TTLL1: variants seen among roughly 807,000 people sequenced by gnomAD.
TTLL1 encodes TTL family tubulin polyglutamylase complex subunit L1.
Under a neutral mutation model 47.8 loss-of-function variants are expected in TTLL1, and 33 were observed. The observed-to-expected ratio is 0.69, with a 90% confidence interval of 0.52 to 0.92. TTLL1 has a LOEUF of 0.92. Among genes scored for constraint, TTLL1 ranks in the 40% least tolerant of loss-of-function variants. TTLL1 has a pLI of 0.00. For missense variants in TTLL1, 488 were observed against 547.5 expected (o/e 0.89, Z 1.08); for synonymous variants, 225 against 214.1 (o/e 1.05, Z -0.45).
intron 5 of TTLL1, among the ~76,000 whole-genome samples, chr22:43,067,304 AGTG>A (rs2146978761): frequency 6.6e-6 from 1 of 152,306 alleles, no homozygotes; most frequent in Non-Finnish European, 1.5e-5. Flanking sequence ...ACCCCATGGC[AGTG>A]GTGCTGCTGG....
At chr22:43,040,358 G>C (rs1164286800) in intron 10 of TTLL1, 1 of 166,024 alleles carries the variant, frequency 6.0e-6, no homozygotes, top group Non-Finnish European at 1.3e-5. Flanking sequence ...AGTGGTACAT[G>C]AGCACTGGTC....
intron 9 of TTLL1, among the ~76,000 whole-genome samples, chr22:43,048,316 C>CAAAAAAAAAGAAAGA (rs1926312153): frequency 7.2e-6 from 1 of 138,502 alleles, no homozygotes; most frequent in South Asian, 2.3e-4. Context: ...GACTCCGTCT[C>CAAAAAAAAAGAAAGA]AAAAAAAAAG....
At position 43,075,392 on chromosome 22, in the gene TTLL1, C is replaced by A. The variant is rs558033150; in HGVS notation, c.113+82G>T. The A allele has an allele frequency of 1.4e-4, 165 of 1,167,336 alleles. 2 individuals are homozygous for A. In the South Asian group the frequency reaches 2.1e-3, roughly 15 times the overall value. The allele number at this position is 1,167,336 out of a possible 1,614,324, so 72.3% of individuals were successfully genotyped here. A position where few individuals can be genotyped will look rare whatever the true frequency, so the allele number is the denominator to read the frequency against. On this transcript the variant is annotated intron_variant, in intron 3 of 10. Transcript: ENST00000266254. ...ATGACAGGAGACAGTGGCTCTGAGG[C>A]CACTCTCTGGGAGGCACTGGAATTA... is the stretch of plus-strand genomic sequence containing the variant.
rs189479491 is a variant in TTLL1, at chr22:43,047,430, G to A, written c.979-857C>T. On this transcript the variant is annotated intron_variant, in intron 9 of 10. Transcript: ENST00000266254. Reference sequence around the variant, plus strand: ...TCCACACATTAAAATGAAGACATTCGCTTTGTTCTGTGGAGAGTCCCACAG... The same window carrying A: ...TCCACACATTAAAATGAAGACATTCACTTTGTTCTGTGGAGAGTCCCACAG... Among the ~76,000 whole-genome samples, 298 of 152,240 alleles carry A rather than the reference G, an allele frequency of 2.0e-3. 2 individuals are homozygous for A. Among genetic ancestry groups the A allele is most frequent in the Middle Eastern group, 6.8e-3 (2 of 294 alleles).
chr22:43,071,678 A>G (rs986663493), intron 3 of TTLL1, among the ~76,000 whole-genome samples: 2 of 152,132 alleles, frequency 1.3e-5, no homozygotes, highest in African/African-American at 4.8e-5. Flanking sequence ...CCACAGTGCT[A>G]GGATTGCAGG....
At chr22:43,059,153 C>G (rs1308728923) in intron 8 of TTLL1, among the ~76,000 whole-genome samples, 1 of 151,834 alleles carries the variant, frequency 6.6e-6, no homozygotes, top group African/African-American at 2.4e-5. Flanking sequence ...CCATGCCCGG[C>G]TAATTTTTGT....
chr22:43,070,709 G>T (rs1339430366), intron 3 of TTLL1, among the ~76,000 whole-genome samples: 2 of 152,120 alleles, frequency 1.3e-5, no homozygotes, highest in African/African-American at 4.8e-5. Context: ...CACTTCACCA[G>T]TTAACGGCAC....
At chr22:43,085,436 C>T (rs144441019) in intron 1 of TTLL1, among the ~76,000 whole-genome samples, 11 of 152,308 alleles carry the variant, frequency 7.2e-5, no homozygotes, top group African/African-American at 2.4e-4. Flanking sequence ...ATAATCCCCA[C>T]GAGTCAAGGG....
intron 10 of TTLL1, among the ~76,000 whole-genome samples, chr22:43,040,597 C>G (rs775837579): frequency 1.3e-5 from 2 of 152,176 alleles, no homozygotes; most frequent in Admixed American, 6.6e-5. Context: ...AGGTGCCCAC[C>G]ACCACACCCA....
At chr22:43,053,677 C>T (rs5751419) in intron 8 of TTLL1, among the ~76,000 whole-genome samples, 2 of 152,178 alleles carry the variant, frequency 1.3e-5, no homozygotes, top group South Asian at 4.1e-4. Context: ...GACAACATGC[C>T]TGGTAAAAAC....
At position 43,067,147 on chromosome 22, in the gene TTLL1, AAGAC is replaced by A. The variant is rs1232244712; in HGVS notation, c.503+1259_503+1262del. Among the ~76,000 whole-genome samples, 3 of 152,296 alleles carry A rather than the reference AAGAC, an allele frequency of 2.0e-5. No individual in the cohort carries two copies. In the East Asian group the frequency reaches 5.8e-4, roughly 29 times the overall value. ...ACTTCTGAGCAGCTGAGAAAAAACA[AAGAC>A]AGAGAAGCCAGCAGACCCAGGCCCC... is the stretch of plus-strand genomic sequence containing the variant. On this transcript the variant is annotated intron_variant, in intron 5 of 10. Coordinates refer to ENST00000266254, the MANE Select transcript of TTLL1 (RefSeq NM_012263.5).
At chr22:43,088,231 C>T (rs1929365589) in intron 1 of TTLL1, among the ~76,000 whole-genome samples, 2 of 151,618 alleles carry the variant, frequency 1.3e-5, no homozygotes, top group South Asian at 2.1e-4. Flanking sequence ...GGTATTGTCA[C>T]TGTCCATCTC....
chr22:43,060,129 G>A (rs184577760), intron 7 of TTLL1, among the ~76,000 whole-genome samples: 6 of 152,278 alleles, frequency 3.9e-5, no homozygotes, highest in South Asian at 2.1e-4. Context: ...TTGGCCTTCC[G>A]TGGGTATTTT....
chr22:43,045,856 T>C (rs1042999513), intron 10 of TTLL1, among the ~76,000 whole-genome samples: 1 of 152,074 alleles, frequency 6.6e-6, no homozygotes, highest in Admixed American at 6.6e-5. Context: ...AGCGGGGGCC[T>C]GGCACGTGAT....
chr22:43,079,914 C>T lies in TTLL1; in HGVS notation c.-17G>A, dbSNP rs6003040. 0.087 allele frequency: 13,206 copies of T among 152,270 alleles called. 1,505 individuals are homozygous for T. Among genetic ancestry groups the T allele is most frequent in the African/African-American group, 0.25 (10,252 of 41,466 alleles). The allele number at this position is 152,270 out of a possible 1,614,324, so 9.4% of individuals were successfully genotyped here. ...AGGCTGTACCTACCATAGGCACTGA[C>T]AGAGCACCACTGGCAACGCCCACGC... On this transcript the variant is annotated 5_prime_UTR_variant, in exon 2 of 11. Transcript: ENST00000266254.
At chr22:43,043,683 G>C (rs939264116) in intron 10 of TTLL1, among the ~76,000 whole-genome samples, 1 of 152,056 alleles carries the variant, frequency 6.6e-6, no homozygotes, top group Non-Finnish European at 1.5e-5. Flanking sequence ...GCTCCTGCGA[G>C]ACGCTGCTTC....
intron 1 of TTLL1, among the ~76,000 whole-genome samples, chr22:43,088,888 A>G (rs1432190780): frequency 6.6e-6 from 1 of 152,154 alleles, no homozygotes; most frequent in Non-Finnish European, 1.5e-5. Context: ...TAGAGGGAAG[A>G]CACAAGGCTC....
Position 43,039,782 on chromosome 22 carries a change from C to T in TTLL1, c.1266G>A (p.Trp422Ter). Residue 422 changes from tryptophan (W) to a stop codon, truncating the protein, a stop_gained, in exon 11 of 11, where the codon TGG (tryptophan) becomes TGA (stop). Transcript: ENST00000266254. LOFTEE classifies it high-confidence loss of function. ...GATAAGGTCCAGGTGGGACTCACTT[C>T]CAGGTGGTGAGGACCGCTCTCCCCG... ...RDSGRAVLTTWK is the reference protein window; with the variant it reads ...RDSGRAVLTT The T allele has an allele frequency of 6.2e-7, 1 of 1,611,076 alleles. No homozygotes were observed. Among genetic ancestry groups the T allele is most frequent in the South Asian group, 1.1e-5 (1 of 90,882 alleles).
chr22:43,066,457 C>G (rs569003168), intron 5 of TTLL1, among the ~76,000 whole-genome samples: 1 of 151,734 alleles, frequency 6.6e-6, no homozygotes, highest in Non-Finnish European at 1.5e-5. Context: ...GGCATGGTGG[C>G]TGACACCTGT....
Sources: allele counts gnomAD v4.1 joint callset (sites outside exome capture counted in the v4.1 genomes callset), GRCh38; gene constraint gnomAD v4.1.1; transcripts MANE v1.5; gene names NCBI Gene and HGNC (gene_info 2026-07-23, HGNC 2026-07-21).